Variants in NCALD observed in about 807,000 individuals in gnomAD.
NCALD encodes neurocalcin delta.
NCALD carries 10 observed loss-of-function variants against 18.6 expected under a neutral mutation model. That is an observed-to-expected ratio of 0.54 (90% CI 0.33 to 0.91). The LOEUF is 0.91. NCALD is among the 40% of genes least tolerant of loss of function. NCALD has a pLI of 0.03. For synonymous variants in NCALD, 88 were observed against 87.4 expected (o/e 1.01, Z -0.04); for missense variants, 184 against 247.6 (o/e 0.74, Z 1.72).
chr8:101,878,420 C>A (rs998886964), intron 4 of NCALD, among the ~76,000 whole-genome samples: 1 of 152,210 alleles, frequency 6.6e-6, no homozygotes, highest in African/African-American at 2.4e-5. Flanking sequence ...TCTCCCTGAG[C>A]TGCATAATAG....
chr8:101,813,067 G>A (rs543155906), intron 4 of NCALD, among the ~76,000 whole-genome samples: 1 of 152,168 alleles, frequency 6.6e-6, no homozygotes, highest in Admixed American at 6.6e-5. Flanking sequence ...GCTAGGCTGG[G>A]GGAGATAGCA....
chr8:101,852,999 G>C (rs1815159544), intron 4 of NCALD, among the ~76,000 whole-genome samples: 1 of 152,118 alleles, frequency 6.6e-6, no homozygotes. Flanking sequence ...TTGTTGGTGA[G>C]GCAGCATTAC....
chr8:102,008,474 T>TAA lies in NCALD; in HGVS notation c.-157+11761_-157+11762dup, dbSNP rs34867950. Among the ~76,000 whole-genome samples, 439 of 133,324 alleles carry TAA rather than the reference T, an allele frequency of 3.3e-3. 4 individuals are homozygous for TAA. The highest frequency in any genetic ancestry group is 7.3e-3 in the Admixed American group (97 of 13,246). The allele number at this position is 133,324 out of a possible 152,430, so 87.5% of individuals were successfully genotyped here. A position where few individuals can be genotyped will look rare whatever the true frequency, so the allele number is the denominator to read the frequency against. ...TTGATGACTCTGAATTAAAGGCAGTTAAAAAAAAAAAAAAAAAAGACATGC... is the reference window on the plus strand; with the variant it reads ...TTGATGACTCTGAATTAAAGGCAGTTAAAAAAAAAAAAAAAAAAAAGACATGC... On this transcript the variant is annotated intron_variant, in intron 2 of 6. Transcript: ENST00000311028.
chr8:101,872,917 T>C (rs544928), intron 4 of NCALD, among the ~76,000 whole-genome samples: 42,418 of 151,992 alleles, frequency 0.28, 6,256 homozygotes, highest in East Asian at 0.39. Context: ...TCACATCATA[T>C]GAGAGAGAGA....
Position 101,991,889 on chromosome 8 carries a change from G to A in NCALD, c.-157+28348C>T, listed in dbSNP as rs140016870. Among the ~76,000 whole-genome samples, 968 of 152,300 alleles carry A rather than the reference G, an allele frequency of 6.4e-3. 4 individuals are homozygous for A. Among genetic ancestry groups the A allele is most frequent in the Non-Finnish European group, 0.01 (685 of 68,024 alleles). On this transcript the variant is annotated intron_variant, in intron 2 of 6. Coordinates refer to the NCALD transcript ENST00000311028. Reference sequence around the variant, plus strand: ...GTCTTTTGAAGAGGATGGTCCTCTTGAAAATCCCTCAGAAAGGTGTCTCAC... The same window carrying A: ...GTCTTTTGAAGAGGATGGTCCTCTTAAAAATCCCTCAGAAAGGTGTCTCAC...
intron 2 of NCALD, among the ~76,000 whole-genome samples, chr8:101,993,973 C>G (rs1821144267): frequency 6.6e-6 from 1 of 152,184 alleles, no homozygotes; most frequent in Non-Finnish European, 1.5e-5. Context: ...CTCTTCCAGA[C>G]TCTGGACTGA....
At chr8:101,934,726 G>T (rs1029189140) in intron 2 of NCALD, among the ~76,000 whole-genome samples, 1 of 152,182 alleles carries the variant, frequency 6.6e-6, no homozygotes, top group Non-Finnish European at 1.5e-5. Context: ...AAGTGAAGAA[G>T]TGGAGGCAGC....
chr8:101,686,996 C>T lies in NCALD; in HGVS notation c.*2313G>A, dbSNP rs1814499987. On this transcript the variant is annotated 3_prime_UTR_variant, in exon 4 of 4. Transcript: ENST00000220931. ...GAGAAAAACAACCTCCGAGAAAATACAGACAGGGTCAGTGGCAGGCCAGGA... is the reference window on the plus strand; with the variant it reads ...GAGAAAAACAACCTCCGAGAAAATATAGACAGGGTCAGTGGCAGGCCAGGA... 1 of 152,322 alleles carries T rather than the reference C, an allele frequency of 6.6e-6. No individual in the cohort carries two copies. The highest frequency in any genetic ancestry group is 2.4e-5 in the African/African-American group (1 of 41,438). 9.4% of individuals were successfully genotyped at this position (152,322 alleles called of 1,614,324 possible).
At chr8:101,762,484 T>TA (rs1205622904) in intron 1 of NCALD, among the ~76,000 whole-genome samples, 1 of 152,184 alleles carries the variant, frequency 6.6e-6, no homozygotes, top group Non-Finnish European at 1.5e-5. Flanking sequence ...AAGGAGATTT[T>TA]ATCAGATGGC....
chr8:101,931,666 G>C (rs978806937), intron 2 of NCALD, among the ~76,000 whole-genome samples: 1 of 151,292 alleles, frequency 6.6e-6, no homozygotes, highest in Non-Finnish European at 1.5e-5. Context: ...GTTTGTTTGG[G>C]TTTGGTTTTG....
At chr8:101,811,066 T>A (rs969284755) in intron 4 of NCALD, among the ~76,000 whole-genome samples, 1 of 152,178 alleles carries the variant, frequency 6.6e-6, no homozygotes, top group African/African-American at 2.4e-5. Flanking sequence ...TTCAGTTGTG[T>A]TTGGGCAATG....
intron 1 of NCALD, among the ~76,000 whole-genome samples, chr8:102,105,164 G>T (rs147796097): frequency 6.6e-6 from 1 of 152,170 alleles, no homozygotes; most frequent in Non-Finnish European, 1.5e-5. Flanking sequence ...TTTCTAAGCC[G>T]CTTTGAATCA....
chr8:102,052,336 A>G (rs924490387), intron 1 of NCALD, among the ~76,000 whole-genome samples: 3 of 152,192 alleles, frequency 2.0e-5, no homozygotes, highest in Non-Finnish European at 2.9e-5. Context: ...GGCACATTTT[A>G]TCTAATGCAT....
chr8:101,917,788 C>A (rs1399398885), intron 2 of NCALD, among the ~76,000 whole-genome samples: 1 of 151,834 alleles, frequency 6.6e-6, no homozygotes, highest in Non-Finnish European at 1.5e-5. Flanking sequence ...AACTTGAAAC[C>A]CTTAGCAGAC....
chr8:102,082,224 C>CT (rs1362023921), intron 1 of NCALD, among the ~76,000 whole-genome samples: 6 of 109,478 alleles, frequency 5.5e-5, no homozygotes, highest in African/African-American at 1.5e-4. Flanking sequence ...GAGAAGCTCT[C>CT]TCTTTTTTTT....
At chr8:101,714,562 T>C (rs548247933) in intron 2 of NCALD, among the ~76,000 whole-genome samples, 17 of 152,334 alleles carry the variant, frequency 1.1e-4, no homozygotes, top group African/African-American at 3.8e-4. Context: ...AACGGCCATA[T>C]TGTCCAAAGT....
chr8:101,788,867 A>G (rs183342127), intron 1 of NCALD: 41 of 152,310 alleles, frequency 2.7e-4, no homozygotes, highest in Admixed American at 2.3e-3. Context: ...TTCTGATGAC[A>G]GTCTTTTTTT....
At chr8:101,971,266 C>T (rs1241810762) in intron 2 of NCALD, among the ~76,000 whole-genome samples, 1 of 152,074 alleles carries the variant, frequency 6.6e-6, no homozygotes, top group Non-Finnish European at 1.5e-5. Context: ...AGCTTGACTC[C>T]TCCTGTCTGC....
intron 1 of NCALD, among the ~76,000 whole-genome samples, chr8:101,741,745 A>G (rs1413001002): frequency 7.6e-6 from 1 of 131,612 alleles, no homozygotes; most frequent in Non-Finnish European, 1.6e-5. Context: ...TAAGCAGCAT[A>G]GGGAGACCTC....
Sources: gnomAD v4.1 joint callset for allele counts (sites outside exome capture counted in the v4.1 genomes callset) on GRCh38, gnomAD v4.1.1 for gene constraint, MANE v1.5 for transcripts, NCBI Gene and HGNC (gene_info 2026-07-23, HGNC 2026-07-21) for gene names.